Variants in CACNA1E observed in about 807,000 individuals in gnomAD.
The protein encoded by CACNA1E is calcium voltage-gated channel subunit alpha1 E, also known as voltage-dependent R-type calcium channel subunit alpha-1E.
A neutral mutation model predicts 259.2 loss-of-function variants in CACNA1E; 40 were observed. The observed-to-expected ratio is 0.15, with a 90% CI of 0.12 to 0.20. CACNA1E has a LOEUF of 0.20. Among genes scored for constraint, CACNA1E ranks in the 10% least tolerant of loss-of-function variants. The pLI is 1.00. For missense variants in CACNA1E, 1,874 were observed against 3,040.1 expected, an observed-to-expected ratio of 0.62 and a Z score of 9.02; for synonymous variants, 1,104 against 1,138.5, an observed-to-expected ratio of 0.97 and a Z score of 0.61.
intron 1 of CACNA1E, among the ~76,000 whole-genome samples, chr1:181,391,536 T>C (rs1557965291): frequency 1.3e-5 from 2 of 151,660 alleles, no homozygotes; most frequent in Non-Finnish European, 2.9e-5. Context: ...TGGGAGGGGC[T>C]GTCTGGGGGG....
intron 1 of CACNA1E, among the ~76,000 whole-genome samples, chr1:181,357,208 G>A (rs1404702275): frequency 6.6e-6 from 1 of 152,132 alleles, no homozygotes; most frequent in Non-Finnish European, 1.5e-5. Flanking sequence ...TCTGGGGCAG[G>A]TCTCTGGAAG....
intron 7 of CACNA1E, among the ~76,000 whole-genome samples, chr1:181,684,924 A>C (rs747213370): frequency 2.0e-5 from 3 of 149,892 alleles, no homozygotes; most frequent in Non-Finnish European, 4.4e-5. Flanking sequence ...GAAAATAAAC[A>C]GGGTAATTCT....
At position 181,732,573 on chromosome 1, in the gene CACNA1E, A is replaced by G; in HGVS notation, c.2487A>G (p.Arg829=). 2 of 1,528,152 alleles carry G rather than the reference A, an allele frequency of 1.3e-6. No homozygotes were observed. Among genetic ancestry groups the G allele is most frequent in the Non-Finnish European group, 1.8e-6 (2 of 1,136,826 alleles). 94.7% of individuals were successfully genotyped at this position (1,528,152 alleles called of 1,614,324 possible). ...ATGCCCACCCCAGCCTTTATCGGCG[A>G]CCCAGGGCCATTGAGGGCCTGGCCC... ...PLNAHPSLYR[R]PRAIEGLALG... The change falls in exon 20 of 48, where the codon CGA becomes CGG. Residue 829 remains arginine (R), a synonymous_variant. Transcript: ENST00000367573. This position sits in a 1 kb window ranked among gnomAD's most constrained non-coding sequence, Gnocchi z 5.5.
chr1:181,718,611 A>AC (rs1654126652), intron 12 of CACNA1E, among the ~76,000 whole-genome samples: 1 of 124,246 alleles, frequency 8.0e-6, no homozygotes, highest in African/African-American at 3.1e-5. Context: ...CCCTCATTCA[A>AC]ACACACACAC....
intron 3 of CACNA1E, among the ~76,000 whole-genome samples, chr1:181,544,206 C>T (rs1668812507): frequency 6.6e-6 from 1 of 152,124 alleles, no homozygotes; most frequent in South Asian, 2.1e-4. Context: ...TCACAACAGG[C>T]TACATATTTT....
chr1:181,666,518 T>C (rs1017300352), intron 7 of CACNA1E, among the ~76,000 whole-genome samples: 3 of 152,140 alleles, frequency 2.0e-5, no homozygotes, highest in South Asian at 4.1e-4. Flanking sequence ...TAATGTGATA[T>C]TGATAAATGT....
At position 181,799,595 on chromosome 1, in the gene CACNA1E, C is replaced by T. The variant is rs141558972; in HGVS notation, c.*761C>T. On this transcript the variant is annotated 3_prime_UTR_variant, in exon 48 of 48. Transcript: ENST00000367573. ...ACACAGTAGGTGCTGAGAGTTAGGA[C>T]AGGTCAGGAAGTCCCCCAGGGTCCA... is the stretch of plus-strand genomic sequence containing the variant. 3.6e-3 allele frequency: 543 copies of T among 152,838 alleles called. 2 individuals carry two copies. The highest frequency in any genetic ancestry group is 6.8e-3 in the Middle Eastern group (2 of 296). 9.5% of individuals were successfully genotyped at this position (152,838 alleles called of 1,614,324 possible).
intron 25 of CACNA1E, among the ~76,000 whole-genome samples, chr1:181,747,682 CAA>C (rs1657221335): frequency 6.6e-6 from 1 of 152,110 alleles, no homozygotes; most frequent in South Asian, 2.1e-4. Context: ...CAGAGACTAG[CAA>C]AGTGTTATCA....
intron 1 of CACNA1E, among the ~76,000 whole-genome samples, chr1:181,369,752 A>G (rs892155457): frequency 6.6e-6 from 1 of 152,174 alleles, no homozygotes; most frequent in African/African-American, 2.4e-5. Flanking sequence ...GATTAGTAGG[A>G]GAAGAGGGGA....
chr1:181,340,667 A>AT (rs1376100575), intron 1 of CACNA1E, among the ~76,000 whole-genome samples: 1 of 151,700 alleles, frequency 6.6e-6, no homozygotes, highest in Admixed American at 6.6e-5. Context: ...TTTTGTTTTT[A>AT]TTTTTTATTA....
rs1662090459 is a variant in CACNA1E at position 181,799,252 on chromosome 1, A to G, written c.*418A>G. The stretch of plus-strand genomic sequence containing the variant: ...TCTTAACTGGGGAGTAGTGGAGACC[A>G]TAGGAGAGGACTCTCCTCCCTCACC... On this transcript the variant is annotated 3_prime_UTR_variant, in exon 48 of 48. Transcript: ENST00000367573. 1 of 157,850 alleles carries G rather than the reference A, an allele frequency of 6.3e-6. No homozygotes were observed. 9.8% of individuals were successfully genotyped at this position (157,850 alleles called of 1,614,324 possible). A position where few individuals can be genotyped will look rare whatever the true frequency, so the allele number is the denominator to read the frequency against.
intron 37 of CACNA1E, among the ~76,000 whole-genome samples, chr1:181,773,414 A>G (rs964289154): frequency 1.3e-5 from 2 of 152,264 alleles, no homozygotes; most frequent in African/African-American, 4.8e-5. Context: ...AACATTTTAT[A>G]CACAATGAAC....
intron 1 of CACNA1E, among the ~76,000 whole-genome samples, chr1:181,374,260 C>T (rs1221305132): frequency 6.6e-6 from 1 of 152,102 alleles, no homozygotes; most frequent in East Asian, 1.9e-4. Context: ...TATTTCTTTA[C>T]CCAATGGTCA....
At chr1:181,621,577 A>G (rs751710666) in intron 6 of CACNA1E, among the ~76,000 whole-genome samples, 1 of 152,234 alleles carries the variant, frequency 6.6e-6, no homozygotes, top group Non-Finnish European at 1.5e-5. Flanking sequence ...AATATAAAAC[A>G]CATATCCACA....
intron 2 of CACNA1E, among the ~76,000 whole-genome samples, chr1:181,441,393 G>A (rs759521346): frequency 2.6e-5 from 4 of 152,192 alleles, no homozygotes; most frequent in Non-Finnish European, 5.9e-5. Flanking sequence ...CTCATGATCT[G>A]CCTCCCTCAG....
At chr1:181,355,018 G>T (rs1339828727) in intron 1 of CACNA1E, among the ~76,000 whole-genome samples, 1 of 152,214 alleles carries the variant, frequency 6.6e-6, no homozygotes, top group Admixed American at 6.5e-5. Flanking sequence ...TGCCCCACAA[G>T]GAAAGCTGAG....
chr1:181,682,279 G>A (rs1449041324), intron 7 of CACNA1E, among the ~76,000 whole-genome samples: 2 of 152,094 alleles, frequency 1.3e-5, no homozygotes, highest in Non-Finnish European at 2.9e-5. Context: ...AAAGAGGATG[G>A]GATACACAAT....
chr1:181,594,351 C>T (rs1417357839), intron 6 of CACNA1E, among the ~76,000 whole-genome samples: 1 of 152,076 alleles, frequency 6.6e-6, no homozygotes, highest in Non-Finnish European at 1.5e-5. Flanking sequence ...ACCACATAGG[C>T]TGGTATAGTG....
In CACNA1E at chr1:181,498,650, A is replaced by G. The variant is rs142788628; in HGVS notation, c.267-11827A>G. Among the ~76,000 whole-genome samples, 770 of 152,336 alleles carry G rather than the reference A, an allele frequency of 5.1e-3. 9 individuals carry two copies. Among genetic ancestry groups the G allele is most frequent in the African/African-American group, 0.015 (621 of 41,572 alleles). Reference sequence around the variant, plus strand: ...AGAATATTAGATTTATAGAGAATAAAAAGAAACTTGAATCAAACTCACACT... The same window carrying G: ...AGAATATTAGATTTATAGAGAATAAGAAGAAACTTGAATCAAACTCACACT... On this transcript the variant is annotated intron_variant, in intron 1 of 47. Coordinates refer to ENST00000367573, the MANE Select transcript of CACNA1E (RefSeq NM_001205293.3).
Sources: gnomAD v4.1 joint callset for allele counts (sites outside exome capture counted in the v4.1 genomes callset) on GRCh38, gnomAD v4.1.1 for gene constraint, Gnocchi (gnomAD v3.1) non-coding constraint, MANE v1.5 for transcripts, NCBI Gene and HGNC (gene_info 2026-07-23, HGNC 2026-07-21) for gene names.